Variants in CA2 observed in about 807,000 individuals in gnomAD.
CA2 encodes the protein carbonate dehydratase II.
In CA2, 23 loss-of-function variants were observed where a neutral mutation model predicts 27.8. That is an observed-to-expected ratio of 0.83 (90% CI 0.59 to 1.17). The LOEUF (loss-of-function observed/expected upper bound fraction) is 1.17. CA2 is among the 50% of genes most tolerant of loss of function. The pLI is 0.00. For missense variants in CA2, 300 were observed against 314.7 expected (o/e 0.95, Z 0.35); for synonymous variants, 99 against 114.9 (o/e 0.86, Z 0.88).
At chr8:85,465,223 G>T (rs1487875807) in intron 1 of CA2, 49 bp from the exon 2 acceptor site, 1 of 1,455,008 alleles carries the variant, frequency 6.9e-7, no homozygotes, top group African/African-American at 1.4e-5. Flanking sequence ...TAGGGGTCTG[G>T]GTGTACCTTT....
In CA2 at chr8:85,473,263, G is replaced by A. The variant is rs369077505; in HGVS notation, c.233-430G>A. The A allele has an allele frequency of 5.6e-5, 21 of 373,870 alleles. No homozygotes were observed. The East Asian group carries it at 1.1e-3, about 19-fold the overall frequency. 23.2% of individuals were successfully genotyped at this position (373,870 alleles called of 1,614,324 possible). On this transcript the variant is annotated intron_variant, in intron 2 of 6. Transcript: ENST00000285379. ...AAGAGAGGGTCTCACGTTTGCAAGT[G>A]TGTGTAGCAGACCAATTTATTGGCC... is the stretch of plus-strand genomic sequence containing the variant.
At chr8:85,476,478 ACTGG>A (rs1811800364) in intron 5 of CA2, among the ~76,000 whole-genome samples, 1 of 152,168 alleles carries the variant, frequency 6.6e-6, no homozygotes, top group African/African-American at 2.4e-5. Context: ...ATGCTCACTC[ACTGG>A]CTTGAGCCCC....
intron 6 of CA2, among the ~76,000 whole-genome samples, chr8:85,480,312 G>A (rs1160090862): frequency 1.3e-5 from 2 of 152,184 alleles, no homozygotes; most frequent in Non-Finnish European, 1.5e-5. Context: ...AGGCTGGAGT[G>A]CAGTGGCGCA....
chr8:85,473,510 T>G (rs1180944448), intron 2 of CA2, 183 bp from the exon 3 acceptor site: 46 of 683,550 alleles, frequency 6.7e-5, no homozygotes, highest in Non-Finnish European at 1.2e-4. Context: ...AACTTGACTC[T>G]GGATTGAATT....
At chr8:85,467,101 T>C (rs1811642234) in intron 2 of CA2, among the ~76,000 whole-genome samples, 1 of 152,190 alleles carries the variant, frequency 6.6e-6, no homozygotes, top group South Asian at 2.1e-4. Context: ...AGAAATTGGA[T>C]AGTTTAAGTC....
intron 1 of CA2, 51 bp downstream of exon 1, chr8:85,464,166 ATCCCC>A: frequency 2.7e-6 from 4 of 1,476,796 alleles, no homozygotes; most frequent in Non-Finnish European, 3.6e-6. Context: ...CCGATCCCCG[ATCCCC>A]GATCCCCGAG....
intron 2 of CA2, among the ~76,000 whole-genome samples, chr8:85,467,999 T>C (rs530119808): frequency 6.6e-6 from 1 of 152,322 alleles, no homozygotes; most frequent in Admixed American, 6.5e-5. Context: ...CTGGTCCCTC[T>C]CCTGTTCCCC....
intron 5 of CA2, among the ~76,000 whole-genome samples, chr8:85,476,089 C>T (rs1811795090): frequency 6.6e-6 from 1 of 152,186 alleles, no homozygotes; most frequent in African/African-American, 2.4e-5. Flanking sequence ...CTTGCTCCCC[C>T]ATCATTTGGA....
chr8:85,476,632 C>T (rs912054143), intron 5 of CA2, among the ~76,000 whole-genome samples: 1 of 152,194 alleles, frequency 6.6e-6, no homozygotes, highest in African/African-American at 2.4e-5. Flanking sequence ...TCTTTGCCAC[C>T]ACCTTGTCAT....
At chr8:85,473,173 G>A (rs1811735416) in intron 2 of CA2, among the ~76,000 whole-genome samples, 1 of 152,088 alleles carries the variant, frequency 6.6e-6, no homozygotes, top group African/African-American at 2.4e-5. Context: ...ACAAATTCGG[G>A]TGTCTAAGAA....
intron 3 of CA2, 193 bp downstream of exon 3, chr8:85,474,004 G>A: frequency 3.3e-6 from 2 of 614,158 alleles, no homozygotes; most frequent in Non-Finnish European, 5.8e-6. Flanking sequence ...TTTCTCTACT[G>A]TCTCCAACTC....
At chr8:85,465,902 A>G (rs1437856575) in intron 2 of CA2, among the ~76,000 whole-genome samples, 3 of 152,228 alleles carry the variant, frequency 2.0e-5, no homozygotes, top group Non-Finnish European at 4.4e-5. Context: ...AGAGTAACAA[A>G]AACGTGCCAA....
At chr8:85,477,638 A>G (rs1015523557) in intron 6 of CA2, among the ~76,000 whole-genome samples, 10 of 151,844 alleles carry the variant, frequency 6.6e-5, no homozygotes, top group African/African-American at 2.4e-4. Flanking sequence ...TTACCAGCCT[A>G]CTACTCACTC....
At chr8:85,464,187 ATG>A in intron 1 of CA2, 72 bp downstream of exon 1, 1 of 1,410,242 alleles carries the variant, frequency 7.1e-7, no homozygotes, top group Non-Finnish European at 9.6e-7. Flanking sequence ...CCGAGCCCGG[ATG>A]CCGGCCCGGG....
intron 2 of CA2, among the ~76,000 whole-genome samples, chr8:85,468,284 AAGAAGGT>A (rs139010307): frequency 0.019 from 2,891 of 152,378 alleles, 76 homozygotes; most frequent in African/African-American, 0.065. Flanking sequence ...CCAGAAAGGC[AAGAAGGT>A]ATACTAAAAG....
intron 2 of CA2, among the ~76,000 whole-genome samples, chr8:85,468,867 G>A (rs1811670826): frequency 6.6e-6 from 1 of 150,434 alleles, no homozygotes; most frequent in Non-Finnish European, 1.5e-5. Flanking sequence ...AACAATCCTA[G>A]GCTCTCAAAG....
At chr8:85,476,397 A>G (rs1811798948) in intron 5 of CA2, among the ~76,000 whole-genome samples, 1 of 152,094 alleles carries the variant, frequency 6.6e-6, no homozygotes, top group African/African-American at 2.4e-5. Context: ...GGTGATGGGG[A>G]ACTTATCACC....
At chr8:85,477,321 C>T in intron 6 of CA2, 46 bp downstream of exon 6, 1 of 1,610,568 alleles carries the variant, frequency 6.2e-7, no homozygotes, top group Non-Finnish European at 8.5e-7. Flanking sequence ...AGCATTTAGT[C>T]AAGGCAGAAG....
In CA2 at chr8:85,465,292, G is replaced by A. The variant is rs1443139589; in HGVS notation, c.55G>A (p.Asp19Asn). ...CCCAGGACCTGAGCACTGGCATAAG[G>A]ACTTCCCCATTGCCAAGGGAGAGCG... ...KHNGPEHWHK[D>N]FPIAKGERQS... Residue 19 changes from aspartate (D) to asparagine (N), a missense_variant, in exon 2 of 7, where the codon GAC (aspartate) becomes AAC (asparagine). By Grantham distance (23) the Asp-to-Asn change is conservative (BLOSUM62 1). This residue lies in a region of CA2 where 122 missense variants were observed against 133.2 expected (regional missense o/e 0.92). Transcript: ENST00000285379. 1 of 1,613,964 alleles carries A rather than the reference G, an allele frequency of 6.2e-7. No individual in the cohort carries two copies. The highest frequency in any genetic ancestry group is 1.3e-5 in the African/African-American group (1 of 74,906).
Sources: allele counts gnomAD v4.1 joint callset (sites outside exome capture counted in the v4.1 genomes callset), GRCh38; gene constraint gnomAD v4.1.1; regional missense constraint gnomAD v4.1.1; transcripts MANE v1.5; gene names NCBI Gene and HGNC (gene_info 2026-07-23, HGNC 2026-07-21).